Variants in UVRAG observed in about 807,000 individuals in gnomAD.
UVRAG encodes the protein UV radiation resistance associated.
In UVRAG, 19 loss-of-function variants were observed where a neutral mutation model predicts 78.0. The observed-to-expected ratio is 0.24, with a 90% CI of 0.17 to 0.36. The LOEUF is 0.36. Ranked by LOEUF, UVRAG falls within the 10% of genes least tolerant of loss-of-function variation. The pLI, the probability that UVRAG is intolerant of heterozygous loss-of-function variation, is 1.00. For synonymous variants in UVRAG, 323 were observed against 324.6 expected, an observed-to-expected ratio of 1.00 and a Z score of 0.05; for missense variants, 740 against 853.8, an observed-to-expected ratio of 0.87 and a Z score of 1.66.
intron 1 of UVRAG, among the ~76,000 whole-genome samples, chr11:75,830,037 G>C (rs7928366): frequency 0.038 from 5,707 of 151,648 alleles, 340 homozygotes; most frequent in African/African-American, 0.13. Context: ...ATGGGGTTTT[G>C]ACATGTTTGC....
At chr11:76,056,597 A>G (rs1297797297) in intron 12 of UVRAG, among the ~76,000 whole-genome samples, 2 of 152,132 alleles carry the variant, frequency 1.3e-5, no homozygotes, top group Admixed American at 6.5e-5. Flanking sequence ...AGATCCCTGT[A>G]AAGTTCCTCA....
chr11:75,905,317 T>G (rs1370718661), intron 5 of UVRAG, among the ~76,000 whole-genome samples: 1 of 152,232 alleles, frequency 6.6e-6, no homozygotes, highest in East Asian at 1.9e-4. Context: ...ATAAATTAAC[T>G]GTTTTGAAGT....
At chr11:75,918,066 A>G (rs943371843) in intron 6 of UVRAG, among the ~76,000 whole-genome samples, 1 of 152,102 alleles carries the variant, frequency 6.6e-6, no homozygotes, top group African/African-American at 2.4e-5. Flanking sequence ...TGCTGGAGTG[A>G]TCTTTTAAAA....
intron 13 of UVRAG, among the ~76,000 whole-genome samples, chr11:76,078,558 A>G (rs946862560): frequency 2.0e-4 from 31 of 151,848 alleles, no homozygotes; most frequent in African/African-American, 7.0e-4. Context: ...ACAGATTTCA[A>G]AAAGGTGGAT....
At chr11:75,879,144 A>G (rs746313656) in intron 3 of UVRAG, among the ~76,000 whole-genome samples, 8 of 152,268 alleles carry the variant, frequency 5.3e-5, no homozygotes, top group Non-Finnish European at 1.0e-4. Flanking sequence ...AAACATTTCA[A>G]TGGCCCCACT....
intron 1 of UVRAG, among the ~76,000 whole-genome samples, chr11:75,834,982 G>A (rs559245618): frequency 6.6e-6 from 1 of 152,134 alleles, no homozygotes; most frequent in South Asian, 2.1e-4. Flanking sequence ...CCTCATTTGT[G>A]TTTAATAGGG....
rs918321522 is a variant in UVRAG, at chr11:75,882,512, C to CA, written c.432+2487dup. Among the ~76,000 whole-genome samples the CA allele has an allele frequency of 6.9e-3, 867 of 125,576 alleles. 7 individuals carry two copies. The highest frequency in any genetic ancestry group is 0.019 in the African/African-American group (668 of 34,610). The allele number at this position is 125,576 out of a possible 152,430, so 82.4% of individuals were successfully genotyped here. A position where few individuals can be genotyped will look rare whatever the true frequency, so the allele number is the denominator to read the frequency against. On this transcript the variant is annotated intron_variant, in intron 4 of 14. Transcript: ENST00000356136. ...TGGGTGACAGAGTGAGACTCTATCT[C>CA]AAAAAAAAAAAAAAATTTTTTTTGA...
intron 12 of UVRAG, among the ~76,000 whole-genome samples, chr11:76,053,321 A>C (rs914762100): frequency 1.3e-5 from 2 of 150,964 alleles, no homozygotes; most frequent in Non-Finnish European, 3.0e-5. Flanking sequence ...ACACACACAC[A>C]CACACACACA....
chr11:75,941,947 G>C (rs1948492790), intron 6 of UVRAG, among the ~76,000 whole-genome samples: 1 of 151,662 alleles, frequency 6.6e-6, no homozygotes, highest in South Asian at 2.1e-4. Context: ...AGATATGAAG[G>C]GTGCTAAAGC....
chr11:75,839,145 T>C (rs1448548715), intron 1 of UVRAG: 1 of 152,218 alleles, frequency 6.6e-6, no homozygotes, highest in Non-Finnish European at 1.5e-5. Context: ...TTTCTGTGAA[T>C]TATCTGTTAA....
intron 8 of UVRAG, among the ~76,000 whole-genome samples, chr11:76,003,590 T>A (rs1216074866): frequency 1.3e-5 from 2 of 152,298 alleles, no homozygotes; most frequent in Admixed American, 1.3e-4. Context: ...TATATTTTAG[T>A]AGTCAAAATA....
intron 11 of UVRAG, among the ~76,000 whole-genome samples, chr11:76,011,284 G>A (rs533378378): frequency 5.3e-5 from 8 of 152,226 alleles, no homozygotes; most frequent in Admixed American, 2.0e-4. Context: ...ATTACCCTTA[G>A]GAATCAGAAA....
At chr11:76,099,579 AG>A (rs1269738862) in intron 13 of UVRAG, among the ~76,000 whole-genome samples, 2 of 152,176 alleles carry the variant, frequency 1.3e-5, no homozygotes, top group Non-Finnish European at 1.5e-5. Flanking sequence ...TCATCTTTAT[AG>A]TAACAGGTCT....
chr11:76,129,504 T>G (rs994023443), intron 14 of UVRAG, among the ~76,000 whole-genome samples: 2 of 152,232 alleles, frequency 1.3e-5, no homozygotes, highest in Non-Finnish European at 2.9e-5. Flanking sequence ...AATTGCCTCC[T>G]GTACATTTTC....
At chr11:76,065,193 C>G (rs1480708597) in intron 12 of UVRAG, among the ~76,000 whole-genome samples, 1 of 152,202 alleles carries the variant, frequency 6.6e-6, no homozygotes, top group African/African-American at 2.4e-5. Context: ...ATAGCCATCC[C>G]TGTAAATGTG....
rs1948248966 is a variant in UVRAG, at chr11:75,931,919, C to A, written c.593+19880C>A. The stretch of plus-strand genomic sequence containing the variant: ...TATAGGGTGACTTTAGGAGTTGAGC[C>A]ACAGACAAATACCCTTCATAATATT... On this transcript the variant is annotated intron_variant, in intron 6 of 14. Transcript: ENST00000356136. Among the ~76,000 whole-genome samples the A allele has an allele frequency of 4.6e-5, 7 of 152,232 alleles. No homozygotes were observed. The South Asian group carries it at 1.4e-3, about 32-fold the overall frequency.
chr11:75,903,239 T>G (rs143527946), intron 5 of UVRAG, among the ~76,000 whole-genome samples: 65 of 152,298 alleles, frequency 4.3e-4, no homozygotes, highest in African/African-American at 1.5e-3. Flanking sequence ...TCCTCCAATT[T>G]ATGAGGTTTG....
intron 12 of UVRAG, among the ~76,000 whole-genome samples, chr11:76,018,597 C>T (rs926366651): frequency 2.6e-4 from 39 of 152,136 alleles, no homozygotes; most frequent in African/African-American, 9.1e-4. Flanking sequence ...TTAGTAGAGA[C>T]GAGGTTTCAC....
chr11:76,134,084 C>T (rs1952560305), intron 14 of UVRAG, among the ~76,000 whole-genome samples: 1 of 151,804 alleles, frequency 6.6e-6, no homozygotes, highest in Non-Finnish European at 1.5e-5. Context: ...CCTCAGCCTC[C>T]CGTGCAGCTG....
Sources: allele counts gnomAD v4.1 joint callset (sites outside exome capture counted in the v4.1 genomes callset), GRCh38; gene constraint gnomAD v4.1.1; transcripts MANE v1.5; gene names NCBI Gene and HGNC (gene_info 2026-07-23, HGNC 2026-07-21).